Variants in AGMO observed in about 807,000 individuals in gnomAD.
AGMO encodes the protein glyceryl-ether monooxygenase.
AGMO carries 75 observed loss-of-function variants against 60.2 expected under a neutral mutation model. That is an observed-to-expected ratio of 1.25 (90% CI 1.03 to 1.51). The LOEUF (loss-of-function observed/expected upper bound fraction) is 1.51. Ranked by LOEUF, AGMO falls within the 40% of genes most tolerant of loss-of-function variation. The pLI, the probability that AGMO is intolerant of heterozygous loss-of-function variation, is 0.00. For missense variants in AGMO, 763 were observed against 525.5 expected (o/e 1.45, Z -4.42); for synonymous variants, 261 against 177.1 (o/e 1.47, Z -3.76).
chr7:15,276,346 G>A (rs752886427), intron 12 of AGMO, among the ~76,000 whole-genome samples: 2 of 151,906 alleles, frequency 1.3e-5, no homozygotes, highest in Non-Finnish European at 2.9e-5. Context: ...CTTTAAAGAG[G>A]CCAAAAATAG....
chr7:15,271,162 G>C (rs915243212), intron 12 of AGMO, among the ~76,000 whole-genome samples: 3 of 151,958 alleles, frequency 2.0e-5, no homozygotes, highest in African/African-American at 7.2e-5. Flanking sequence ...GCTCTGTTTG[G>C]GTTCCATATG....
chr7:15,404,784 C>T (rs1463668772), intron 5 of AGMO, among the ~76,000 whole-genome samples: 1 of 151,824 alleles, frequency 6.6e-6, no homozygotes, highest in East Asian at 1.9e-4. Context: ...ATGACTTCTA[C>T]TGCTTAGTCA....
intron 3 of AGMO, among the ~76,000 whole-genome samples, chr7:15,474,127 A>T (rs1466046477): frequency 6.6e-6 from 1 of 152,182 alleles, no homozygotes; most frequent in Non-Finnish European, 1.5e-5. Flanking sequence ...TATACTGCCC[A>T]AAGTAATTTA....
intron 6 of AGMO, among the ~76,000 whole-genome samples, chr7:15,391,922 A>G (rs1425611910): frequency 6.6e-6 from 1 of 152,162 alleles, no homozygotes; most frequent in Non-Finnish European, 1.5e-5. Flanking sequence ...ACAAAGAAAT[A>G]TCTGTCCCAA....
intron 3 of AGMO, among the ~76,000 whole-genome samples, chr7:15,436,886 G>A (rs908709255): frequency 1.4e-4 from 21 of 152,040 alleles, no homozygotes; most frequent in African/African-American, 4.3e-4. Flanking sequence ...ATGATAGTGC[G>A]AAATTTCTTG....
intron 2 of AGMO, among the ~76,000 whole-genome samples, chr7:15,558,592 C>A (rs1257952758): frequency 6.6e-6 from 1 of 151,924 alleles, no homozygotes; most frequent in Non-Finnish European, 1.5e-5. Flanking sequence ...TCATGATAAT[C>A]TGGGAATTAG....
At chr7:15,186,621 G>A in the AGMO span, among the ~76,000 whole-genome samples, 3 of 152,118 alleles carry the variant, frequency 2.0e-5, no homozygotes, top group African/African-American at 7.2e-5. Context: ...TTCTAAGAGC[G>A]TGCTATGAAT....
At chr7:15,253,016 C>G (rs1376842742) in intron 12 of AGMO, among the ~76,000 whole-genome samples, 2 of 152,106 alleles carry the variant, frequency 1.3e-5, no homozygotes, top group Non-Finnish European at 2.9e-5. Context: ...TACACAAGAA[C>G]AGATTCAAAA....
chr7:15,557,405 G>A lies in AGMO; in HGVS notation c.257+2736C>T, dbSNP rs548631655. Among the ~76,000 whole-genome samples, 6 of 152,128 alleles carry A rather than the reference G, an allele frequency of 3.9e-5. No individual in the cohort carries two copies. In the East Asian group the frequency reaches 9.7e-4, roughly 25 times the overall value. On this transcript the variant is annotated intron_variant, in intron 2 of 12. Coordinates refer to ENST00000342526, the MANE Select transcript of AGMO (RefSeq NM_001004320.2). ...GAAATTAGTCCCTGGGAGAGGATCC[G>A]ATCATTGCCGTGTTAATCTAACCCT...
At chr7:15,342,631 C>T (rs1053900903) in intron 12 of AGMO, among the ~76,000 whole-genome samples, 22 of 151,524 alleles carry the variant, frequency 1.5e-4, no homozygotes, top group African/African-American at 4.6e-4. Flanking sequence ...TAACAGATTT[C>T]GGCTTTCTCT....
chr7:15,173,992 T>C, the AGMO span, among the ~76,000 whole-genome samples: 2 of 152,028 alleles, frequency 1.3e-5, no homozygotes, highest in African/African-American at 4.8e-5. Flanking sequence ...ACATGAAGAA[T>C]ATGACCCCAT....
At chr7:15,233,053 C>T (rs1053805274) in intron 12 of AGMO, among the ~76,000 whole-genome samples, 4 of 152,028 alleles carry the variant, frequency 2.6e-5, no homozygotes, top group Admixed American at 1.3e-4. Context: ...TAAAATCATA[C>T]TATTATTCTA....
intron 3 of AGMO, among the ~76,000 whole-genome samples, chr7:15,460,593 T>C (rs964679056): frequency 3.9e-5 from 6 of 152,130 alleles, no homozygotes; most frequent in African/African-American, 1.2e-4. Context: ...AAAATTTTAA[T>C]TTTAATAAGA....
At chr7:15,292,865 C>G (rs1263198909) in intron 12 of AGMO, among the ~76,000 whole-genome samples, 2 of 142,352 alleles carry the variant, frequency 1.4e-5, no homozygotes, top group Non-Finnish European at 3.0e-5. Context: ...TCAAGTGATT[C>G]TCCTGCCTCA....
intron 3 of AGMO, among the ~76,000 whole-genome samples, chr7:15,482,291 G>A (rs1782776344): frequency 6.6e-6 from 1 of 151,724 alleles, no homozygotes; most frequent in Non-Finnish European, 1.5e-5. Context: ...ATATAAGGAA[G>A]ATACACATTA....
chr7:15,249,170 C>CAATCATGTT (rs1782855965), intron 12 of AGMO, among the ~76,000 whole-genome samples: 2 of 151,406 alleles, frequency 1.3e-5, no homozygotes, highest in South Asian at 4.3e-4. Context: ...TTTTTTGAAA[C>CAATCATGTT]AATCATGTTA....
At chr7:15,436,893 C>T (rs1465944197) in intron 3 of AGMO, among the ~76,000 whole-genome samples, 1 of 152,086 alleles carries the variant, frequency 6.6e-6, no homozygotes, top group Non-Finnish European at 1.5e-5. Flanking sequence ...TGCGAAATTT[C>T]TTGAATTGTA....
chr7:15,184,295 GAGGC>G, the AGMO span, among the ~76,000 whole-genome samples: 14 of 55,720 alleles, frequency 2.5e-4, 1 homozygote, highest in South Asian at 1.8e-3. Context: ...GGAAGGAAGG[GAGGC>G]AGGCAGGGAG....
At chr7:15,135,759 T>TCAACTTTAGAAAATATGC in the AGMO span, among the ~76,000 whole-genome samples, 1 of 151,926 alleles carries the variant, frequency 6.6e-6, no homozygotes, top group African/African-American at 2.4e-5. Context: ...TCTTAATATG[T>TCAACTTTAGAAAATATGC]CAACTTTAGA....
Sources: allele counts gnomAD v4.1 joint callset (sites outside exome capture counted in the v4.1 genomes callset), GRCh38; gene constraint gnomAD v4.1.1; transcripts MANE v1.5; gene names NCBI Gene and HGNC (gene_info 2026-07-23, HGNC 2026-07-21).